MARCHF1: variants seen among roughly 807,000 people sequenced by gnomAD.
MARCHF1 encodes the protein E3 ubiquitin-protein ligase MARCHF1.
A neutral mutation model predicts 54.2 loss-of-function variants in MARCHF1; 40 were observed. The observed-to-expected ratio is 0.74, with a 90% confidence interval of 0.57 to 0.96. The LOEUF (loss-of-function observed/expected upper bound fraction) is 0.96. Ranked by LOEUF, MARCHF1 falls within the 40% of genes least tolerant of loss-of-function variation. MARCHF1 has a pLI of 0.00. For missense variants in MARCHF1, 586 were observed against 656.5 expected, an observed-to-expected ratio of 0.89 and a Z score of 1.17; for synonymous variants, 236 against 236.3, an observed-to-expected ratio of 1.00 and a Z score of 0.01.
intron 2 of MARCHF1, among the ~76,000 whole-genome samples, chr4:163,997,625 A>G (rs1753102656): frequency 6.6e-6 from 1 of 152,018 alleles, no homozygotes; most frequent in Non-Finnish European, 1.5e-5. Context: ...TACTATTTGT[A>G]CATAGGTTGT....
chr4:164,218,851 A>T (rs1369262591), intron 1 of MARCHF1, among the ~76,000 whole-genome samples: 2 of 135,786 alleles, frequency 1.5e-5, no homozygotes, highest in African/African-American at 5.2e-5. Flanking sequence ...AAGTATAATT[A>T]AAAAAAAAAA....
intron 4 of MARCHF1, among the ~76,000 whole-genome samples, chr4:163,739,095 C>A: frequency 6.6e-6 from 1 of 152,194 alleles, no homozygotes; most frequent in East Asian, 1.9e-4. Context: ...CAATACTCAA[C>A]AAATATAATT....
intron 3 of MARCHF1, among the ~76,000 whole-genome samples, chr4:163,893,109 G>A (rs1008510286): frequency 3.3e-5 from 5 of 149,740 alleles, no homozygotes; most frequent in African/African-American, 4.9e-5. Context: ...ACCTCCTTCC[G>A]CTCCAGAGGG....
intron 1 of MARCHF1, among the ~76,000 whole-genome samples, chr4:164,233,094 T>C (rs1340764247): frequency 6.6e-6 from 1 of 152,168 alleles, no homozygotes; most frequent in Non-Finnish European, 1.5e-5. Context: ...AGTAATACTT[T>C]TGGACTCAGA....
intron 4 of MARCHF1, among the ~76,000 whole-genome samples, chr4:163,850,855 C>T (rs978299823): frequency 1.3e-5 from 2 of 152,088 alleles, no homozygotes; most frequent in African/African-American, 4.8e-5. Context: ...AAACATTGAG[C>T]GGCTAGTGTG....
intron 1 of MARCHF1, among the ~76,000 whole-genome samples, chr4:164,230,494 T>C (rs914729159): frequency 6.9e-6 from 1 of 145,412 alleles, no homozygotes; most frequent in Non-Finnish European, 1.5e-5. Context: ...ATCAGAGTAA[T>C]TGAGATAACC....
chr4:163,617,832 T>G (rs1741563685), intron 5 of MARCHF1, among the ~76,000 whole-genome samples: 1 of 152,172 alleles, frequency 6.6e-6, no homozygotes, highest in Non-Finnish European at 1.5e-5. Flanking sequence ...GTGAACCACG[T>G]GATGATGAGC....
intron 1 of MARCHF1, among the ~76,000 whole-genome samples, chr4:164,192,525 T>C (rs1476587989): frequency 6.6e-6 from 1 of 152,164 alleles, no homozygotes; most frequent in Non-Finnish European, 1.5e-5. Context: ...AAGTATTAAC[T>C]GAGACTTTTT....
intron 3 of MARCHF1, among the ~76,000 whole-genome samples, chr4:163,876,425 C>T (rs984616976): frequency 4.6e-5 from 7 of 152,128 alleles, no homozygotes; most frequent in Admixed American, 2.6e-4. Flanking sequence ...GAATGTGTCT[C>T]AAATCCTGTT....
intron 1 of MARCHF1, among the ~76,000 whole-genome samples, chr4:164,338,063 ATT>A (rs1423776310): frequency 1.3e-5 from 2 of 152,208 alleles, no homozygotes; most frequent in Admixed American, 1.3e-4. Context: ...AGGCATAATA[ATT>A]TGTTAAAAAA....
intron 2 of MARCHF1, among the ~76,000 whole-genome samples, chr4:164,017,716 AT>A (rs1035030398): frequency 6.6e-6 from 1 of 151,804 alleles, no homozygotes; most frequent in African/African-American, 2.4e-5. Context: ...AATTATGTGA[AT>A]TCTTCCTAAA....
chr4:163,990,613 T>C (rs1752952811), intron 2 of MARCHF1, among the ~76,000 whole-genome samples: 1 of 152,168 alleles, frequency 6.6e-6, no homozygotes, highest in Non-Finnish European at 1.5e-5. Context: ...AAAAATGCCA[T>C]GTCTACAGTT....
chr4:164,282,224 G>C (rs1734044163), intron 1 of MARCHF1, among the ~76,000 whole-genome samples: 1 of 150,584 alleles, frequency 6.6e-6, no homozygotes, highest in Non-Finnish European at 1.5e-5. Flanking sequence ...TGTATCATTT[G>C]ACTCCTACAA....
intron 3 of MARCHF1, among the ~76,000 whole-genome samples, chr4:163,920,461 C>T (rs1198424970): frequency 6.6e-6 from 1 of 152,158 alleles, no homozygotes; most frequent in Admixed American, 6.6e-5. Context: ...GACATGTTAG[C>T]CTTCTAAAGC....
chr4:164,121,545 C>T (rs887206221), intron 1 of MARCHF1, among the ~76,000 whole-genome samples: 1 of 152,062 alleles, frequency 6.6e-6, no homozygotes. Flanking sequence ...ATGAGAACAG[C>T]ATGGGGGAAT....
intron 3 of MARCHF1, among the ~76,000 whole-genome samples, chr4:163,914,148 G>C (rs1751256293): frequency 6.6e-6 from 1 of 152,022 alleles, no homozygotes; most frequent in Non-Finnish European, 1.5e-5. Flanking sequence ...GGAGCATTCA[G>C]CTTTGTACCT....
At chr4:163,878,192 C>T (rs1051448326) in intron 3 of MARCHF1, among the ~76,000 whole-genome samples, 2 of 152,160 alleles carry the variant, frequency 1.3e-5, no homozygotes, top group African/African-American at 4.8e-5. Flanking sequence ...TTCCGAATAC[C>T]AGCTTCTCTA....
At chr4:164,362,905 T>C (rs1459879007) in intron 1 of MARCHF1, among the ~76,000 whole-genome samples, 1 of 152,108 alleles carries the variant, frequency 6.6e-6, no homozygotes, top group Non-Finnish European at 1.5e-5. Flanking sequence ...GGAAAACTGT[T>C]TCTCTGCAAT....
At chr4:163,865,834 C>A (rs1193165784) in intron 3 of MARCHF1, among the ~76,000 whole-genome samples, 2 of 151,340 alleles carry the variant, frequency 1.3e-5, no homozygotes, top group African/African-American at 4.8e-5. Context: ...GGATTTTTAT[C>A]ATTTATATGA....
Sources: gnomAD v4.1 joint callset for allele counts (sites outside exome capture counted in the v4.1 genomes callset) on GRCh38, gnomAD v4.1.1 for gene constraint, MANE v1.5 for transcripts, NCBI Gene and HGNC (gene_info 2026-07-23, HGNC 2026-07-21) for gene names.